MCUB: variants seen among roughly 807,000 people sequenced by gnomAD.
MCUB encodes calcium uniporter regulatory subunit MCUb, mitochondrial.
In MCUB, 46 loss-of-function variants were observed where a neutral mutation model predicts 41.4. The ratio of observed to expected loss-of-function variants is 1.11; its 90% CI spans 0.88 to 1.42. The LOEUF is 1.42. Ranked by LOEUF, MCUB falls within the 40% of genes most tolerant of loss-of-function variation. MCUB has a pLI of 0.00. For missense variants in MCUB, 403 were observed against 404.9 expected, an observed-to-expected ratio of 1.00 and a Z score of 0.04; for synonymous variants, 148 against 148.2, an observed-to-expected ratio of 1.00 and a Z score of 0.01.
intron 1 of MCUB, among the ~76,000 whole-genome samples, chr4:109,621,134 C>T (rs1393566600): frequency 1.3e-5 from 2 of 152,082 alleles, no homozygotes; most frequent in African/African-American, 2.4e-5. Context: ...CTCCTGACCT[C>T]GTGATCCACC....
intron 1 of MCUB, among the ~76,000 whole-genome samples, chr4:109,598,495 C>T (rs1474771677): frequency 2.0e-5 from 3 of 152,062 alleles, no homozygotes; most frequent in South Asian, 4.2e-4. Flanking sequence ...ACTCGGCAGG[C>T]TGAGGCAGGA....
chr4:109,622,793 T>C (rs1728278369), intron 1 of MCUB, among the ~76,000 whole-genome samples: 1 of 152,180 alleles, frequency 6.6e-6, no homozygotes, highest in Non-Finnish European at 1.5e-5. Context: ...TGGTCGAAAC[T>C]GTACTTTGAA....
At chr4:109,598,220 G>T (rs1727630234) in intron 1 of MCUB, among the ~76,000 whole-genome samples, 1 of 150,768 alleles carries the variant, frequency 6.6e-6, no homozygotes, top group Non-Finnish European at 1.5e-5. Flanking sequence ...TGCAATCTCG[G>T]CACTTTGGGA....
intron 4 of MCUB, among the ~76,000 whole-genome samples, chr4:109,677,380 T>C (rs1414849278): frequency 2.0e-5 from 3 of 152,148 alleles, no homozygotes. Flanking sequence ...GATGAGACTT[T>C]GGAATTGGAC....
chr4:109,678,358 G>A (rs1473570024), intron 4 of MCUB, among the ~76,000 whole-genome samples: 1 of 152,190 alleles, frequency 6.6e-6, no homozygotes, highest in Non-Finnish European at 1.5e-5. Flanking sequence ...ACACCTCCCA[G>A]GTGGGGCGGC....
At chr4:109,626,422 C>T (rs1351166984) in intron 1 of MCUB, among the ~76,000 whole-genome samples, 3 of 152,060 alleles carry the variant, frequency 2.0e-5, no homozygotes, top group African/African-American at 7.2e-5. Flanking sequence ...TACATAGGTG[C>T]TATCATCTCT....
chr4:109,582,727 T>C lies in MCUB; in HGVS notation c.99+22291T>C, dbSNP rs138878246. On this transcript the variant is annotated intron_variant, in intron 1 of 7. Coordinates refer to ENST00000394650, the MANE Select transcript of MCUB (RefSeq NM_017918.5). ...GTCTAACATGTAAGTCTTTAATCCA[T>C]CTCGAATTAATTTTTATGTAAGGTG... Among the ~76,000 whole-genome samples the C allele has an allele frequency of 5.8e-3, 887 of 152,262 alleles. 28 individuals carry two copies. In the South Asian group the frequency reaches 0.072, roughly 12 times the overall value.
chr4:109,665,350 CT>C (rs1350123268), intron 4 of MCUB, among the ~76,000 whole-genome samples: 1 of 152,104 alleles, frequency 6.6e-6, no homozygotes, highest in Non-Finnish European at 1.5e-5. Context: ...CAGAAATATG[CT>C]GTAAGAACCT....
chr4:109,682,975 TG>T (rs1282658336), intron 5 of MCUB: 2 of 397,934 alleles, frequency 5.0e-6, no homozygotes, highest in African/African-American at 4.1e-5. Flanking sequence ...TCACGTGGCC[TG>T]TGTTCAGAGC....
chr4:109,597,235 A>G (rs1286871531), intron 1 of MCUB, among the ~76,000 whole-genome samples: 4 of 152,050 alleles, frequency 2.6e-5, no homozygotes, highest in Non-Finnish European at 4.4e-5. Context: ...CCCGTTCTCA[A>G]TGAGCTGTTG....
intron 1 of MCUB, among the ~76,000 whole-genome samples, chr4:109,658,554 C>G (rs938991503): frequency 1.3e-5 from 2 of 152,178 alleles, no homozygotes; most frequent in African/African-American, 2.4e-5. Context: ...ACCTTGGCCT[C>G]CCAAAGTCCT....
intron 1 of MCUB, among the ~76,000 whole-genome samples, chr4:109,629,939 G>A (rs1475782868): frequency 6.6e-6 from 1 of 152,192 alleles, no homozygotes; most frequent in Admixed American, 6.5e-5. Flanking sequence ...GGGGCTGAAA[G>A]TCCCAACCCT....
At chr4:109,629,616 AATTT>A (rs1728431621) in intron 1 of MCUB, among the ~76,000 whole-genome samples, 1 of 152,130 alleles carries the variant, frequency 6.6e-6, no homozygotes, top group Non-Finnish European at 1.5e-5. Context: ...GGGTTCTATT[AATTT>A]ATTAGAGTGG....
At chr4:109,566,734 T>C (rs951943752) in intron 1 of MCUB, among the ~76,000 whole-genome samples, 3 of 152,130 alleles carry the variant, frequency 2.0e-5, no homozygotes, top group Admixed American at 1.3e-4. Context: ...CAGGCCCAAA[T>C]AGACTGAATG....
At chr4:109,562,881 GAA>G (rs67010659) in intron 1 of MCUB, among the ~76,000 whole-genome samples, 1 of 149,708 alleles carries the variant, frequency 6.7e-6, no homozygotes, top group African/African-American at 2.5e-5. Context: ...TGGGTGAGGG[GAA>G]AAAAAAACAG....
chr4:109,671,620 T>A (rs1729461498), intron 4 of MCUB, among the ~76,000 whole-genome samples: 1 of 152,242 alleles, frequency 6.6e-6, no homozygotes, highest in Admixed American at 6.5e-5. Context: ...ACTCATCTGT[T>A]CTTGCATATT....
In MCUB at chr4:109,608,187, C is replaced by T. The variant is rs115171967; in HGVS notation, c.99+47751C>T. ...TGCTAGTAAGAGATTCTGATGCATT[C>T]TTCAGTATGTCCATTGTATTCTTCA... is the stretch of plus-strand genomic sequence containing the variant. On this transcript the variant is annotated intron_variant, in intron 1 of 7. Transcript: ENST00000394650. 7.2e-3 allele frequency among the ~76,000 whole-genome samples: 1,092 copies of T among 152,196 alleles called. 19 individuals carry two copies. Among genetic ancestry groups the T allele is most frequent in the African/African-American group, 0.024 (996 of 41,542 alleles).
chr4:109,587,212 A>C (rs1727329458), intron 1 of MCUB, among the ~76,000 whole-genome samples: 1 of 152,232 alleles, frequency 6.6e-6, no homozygotes, highest in South Asian at 2.1e-4. Flanking sequence ...AGTCGATCTC[A>C]GACTGCTGCG....
chr4:109,635,307 G>A (rs1728566264), intron 1 of MCUB, among the ~76,000 whole-genome samples: 1 of 152,080 alleles, frequency 6.6e-6, no homozygotes, highest in African/African-American at 2.4e-5. Context: ...TAATCCTTTG[G>A]GTATATACCC....
Sources: allele counts gnomAD v4.1 joint callset (sites outside exome capture counted in the v4.1 genomes callset), GRCh38; gene constraint gnomAD v4.1.1; transcripts MANE v1.5; gene names NCBI Gene and HGNC (gene_info 2026-07-23, HGNC 2026-07-21).